The following ILRUN variants were observed in gnomAD, a reference collection of about 807,000 sequenced individuals.
ILRUN encodes inflammation and lipid regulator with UBA-like and NBR1-like domains.
In ILRUN, 3 loss-of-function variants were observed where a neutral mutation model predicts 33.8. The observed-to-expected ratio is 0.09, with a 90% CI of 0.04 to 0.23. The LOEUF (loss-of-function observed/expected upper bound fraction) is 0.23, where lower values mean the gene tolerates loss of function less well. Among genes scored for constraint, ILRUN ranks in the 10% least tolerant of loss-of-function variants. The pLI, the probability that ILRUN is intolerant of heterozygous loss-of-function variation, is 1.00. For synonymous variants in ILRUN, 124 were observed against 138.9 expected, an observed-to-expected ratio of 0.89 and a Z score of 0.75; for missense variants, 210 against 375.1, an observed-to-expected ratio of 0.56 and a Z score of 3.64.
chr6:34,662,812 C>T (rs1296986377), intron 1 of ILRUN, among the ~76,000 whole-genome samples: 1 of 152,220 alleles, frequency 6.6e-6, no homozygotes, highest in Admixed American at 6.5e-5. Context: ...CATGGTGGCT[C>T]ACACCTGTAA....
chr6:34,614,773 G>A (rs1038004463), intron 3 of ILRUN, among the ~76,000 whole-genome samples: 8 of 151,994 alleles, frequency 5.3e-5, no homozygotes, highest in Non-Finnish European at 1.0e-4. Context: ...AGTGATCAAG[G>A]TTAGCATCAC....
At chr6:34,593,205 G>T (rs1761330584) in intron 4 of ILRUN, among the ~76,000 whole-genome samples, 1 of 151,944 alleles carries the variant, frequency 6.6e-6, no homozygotes, top group African/African-American at 2.4e-5. Flanking sequence ...GGTTCTGAGG[G>T]TTAGGGAAAA....
chr6:34,656,652 C>A (rs1053190351), intron 1 of ILRUN, among the ~76,000 whole-genome samples: 1 of 152,200 alleles, frequency 6.6e-6, no homozygotes, highest in Non-Finnish European at 1.5e-5. Flanking sequence ...ATGAAACAAG[C>A]TCTGACAGTA....
intron 4 of ILRUN, chr6:34,595,964 G>C (rs1761391411): frequency 1.0e-6 from 1 of 964,004 alleles, no homozygotes; most frequent in African/African-American, 1.8e-5. Context: ...TGCAAACACA[G>C]AAGAATACAG....
intron 2 of ILRUN, among the ~76,000 whole-genome samples, chr6:34,652,066 A>C (rs1417638147): frequency 1.3e-5 from 2 of 152,194 alleles, no homozygotes; most frequent in Admixed American, 6.5e-5. Context: ...TGCTGGGATT[A>C]CAGGTGTGAG....
chr6:34,648,823 T>C (rs1001615218), intron 2 of ILRUN, among the ~76,000 whole-genome samples: 3 of 152,142 alleles, frequency 2.0e-5, no homozygotes, highest in Non-Finnish European at 4.4e-5. Flanking sequence ...TGCAACAAGA[T>C]AATGTCTGTT....
intron 4 of ILRUN, among the ~76,000 whole-genome samples, chr6:34,591,732 G>A (rs376090830): frequency 7.6e-4 from 115 of 152,110 alleles, no homozygotes; most frequent in African/African-American, 2.6e-3. Flanking sequence ...CTCGTGATCC[G>A]CCTGTCTCGG....
chr6:34,596,130 C>T (rs1254529528), intron 4 of ILRUN, among the ~76,000 whole-genome samples: 2 of 152,222 alleles, frequency 1.3e-5, no homozygotes, highest in African/African-American at 2.4e-5. Context: ...TAAGTCTGTA[C>T]TGGAGTAATG....
At chr6:34,637,990 A>G (rs1429422414) in intron 3 of ILRUN, among the ~76,000 whole-genome samples, 1 of 151,978 alleles carries the variant, frequency 6.6e-6, no homozygotes, top group Non-Finnish European at 1.5e-5. Context: ...AGGCTCAAGC[A>G]GTCCTCCCAC....
intron 2 of ILRUN, among the ~76,000 whole-genome samples, chr6:34,648,182 T>C (rs1379213864): frequency 6.6e-6 from 1 of 152,216 alleles, no homozygotes; most frequent in Non-Finnish European, 1.5e-5. Context: ...GAAACTTCTA[T>C]ATATCTTTTT....
chr6:34,627,704 C>CTTTTTTTT (rs71000075), intron 3 of ILRUN, among the ~76,000 whole-genome samples: 1 of 134,910 alleles, frequency 7.4e-6, no homozygotes, highest in Non-Finnish European at 1.6e-5. Context: ...GTCTTTGGCC[C>CTTTTTTTT]TTTTTTTTTT....
At chr6:34,623,604 T>C (rs1191563791) in intron 3 of ILRUN, among the ~76,000 whole-genome samples, 1 of 152,198 alleles carries the variant, frequency 6.6e-6, no homozygotes, top group African/African-American at 2.4e-5. Flanking sequence ...GAACTTAAAT[T>C]ACTAATTTAA....
chr6:34,648,083 T>C (rs1185317976), intron 2 of ILRUN, among the ~76,000 whole-genome samples: 1 of 152,224 alleles, frequency 6.6e-6, no homozygotes, highest in Non-Finnish European at 1.5e-5. Flanking sequence ...TCAAGCGGTA[T>C]AGGTAGCCAC....
intron 3 of ILRUN, among the ~76,000 whole-genome samples, chr6:34,614,460 TG>T (rs1761834370): frequency 7.7e-6 from 1 of 129,684 alleles, no homozygotes; most frequent in African/African-American, 3.2e-5. Flanking sequence ...ATATATAAAA[TG>T]TATATTATAT....
rs1346938510 is a variant in ILRUN, at chr6:34,587,929, G to A, written c.*2636C>T. On this transcript the variant is annotated 3_prime_UTR_variant, in exon 5 of 5. Transcript: ENST00000374023. ...CTGCCTCACCTCCTGGGTGCCAGAC[G>A]CAGGTGGTCCTGCCCAGAGGTGGCC... 7.6e-6 allele frequency: 3 copies of A among 397,068 alleles called. No individual in the cohort carries two copies. Among genetic ancestry groups the A allele is most frequent in the Non-Finnish European group, 1.3e-5 (3 of 225,738 alleles). 24.6% of individuals were successfully genotyped at this position (397,068 alleles called of 1,614,324 possible). A position where few individuals can be genotyped will look rare whatever the true frequency, so the allele number is the denominator to read the frequency against.
At chr6:34,656,022 C>G (rs1762764102) in intron 1 of ILRUN, among the ~76,000 whole-genome samples, 1 of 152,106 alleles carries the variant, frequency 6.6e-6, no homozygotes, top group Middle Eastern at 3.4e-3. Flanking sequence ...ATCACGGGGT[C>G]AGGAGTTCAA....
intron 3 of ILRUN, among the ~76,000 whole-genome samples, chr6:34,615,484 T>C (rs917108423): frequency 3.9e-5 from 6 of 152,036 alleles, no homozygotes; most frequent in African/African-American, 1.4e-4. Flanking sequence ...TAATCCCAGC[T>C]ACTGGGGAGG....
At position 34,675,579 on chromosome 6, in the gene ILRUN, G is replaced by A. The variant is rs550700934; in HGVS notation, c.159-20800C>T. The stretch of plus-strand genomic sequence containing the variant: ...TCCCACTGCCCCTCCCCGCCACACC[G>A]CTGCTGCACTTTAAAGCAGAAATCA... On this transcript the variant is annotated intron_variant, in intron 1 of 4. Transcript: ENST00000374023. Among the ~76,000 whole-genome samples, 5 of 152,148 alleles carry A rather than the reference G, an allele frequency of 3.3e-5. No individual in the cohort carries two copies. In the South Asian group the frequency reaches 6.2e-4, roughly 19 times the overall value.
intron 1 of ILRUN, among the ~76,000 whole-genome samples, chr6:34,678,856 AAAAG>A (rs1283370874): frequency 6.7e-5 from 10 of 149,858 alleles, no homozygotes; most frequent in South Asian, 2.1e-4. Flanking sequence ...AAAAAAAAAA[AAAAG>A]AAAGAAAGAA....
Sources: gnomAD v4.1 joint callset for allele counts (sites outside exome capture counted in the v4.1 genomes callset) on GRCh38, gnomAD v4.1.1 for gene constraint, MANE v1.5 for transcripts, NCBI Gene and HGNC (gene_info 2026-07-23, HGNC 2026-07-21) for gene names.